Variants in CPEB2 observed in about 807,000 individuals in gnomAD.
CPEB2 encodes cytoplasmic polyadenylation element binding protein 2.
CPEB2 carries 56 observed loss-of-function variants against 93.6 expected under a neutral mutation model. That is an observed-to-expected ratio of 0.60 (90% CI 0.48 to 0.75). CPEB2 has a LOEUF of 0.75. Among genes scored for constraint, CPEB2 ranks in the 30% least tolerant of loss-of-function variants. The pLI is 0.00. For missense variants in CPEB2, 1,579 were observed against 1,395.1 expected (o/e 1.13, Z -2.10); for synonymous variants, 764 against 586.3 (o/e 1.30, Z -4.38).
chr4:15,022,911 G>A (rs541312374), intron 4 of CPEB2, among the ~76,000 whole-genome samples: 2 of 152,136 alleles, frequency 1.3e-5, no homozygotes, highest in Admixed American at 6.5e-5. Flanking sequence ...TGACATCATG[G>A]ATGGAGATAA....
chr4:15,054,305 C>T, intron 8 of CPEB2, 88 bp downstream of exon 8: 9 of 865,208 alleles, frequency 1.0e-5, no homozygotes, highest in South Asian at 3.0e-5. Flanking sequence ...AGTTAGGAAT[C>T]ATAAGAGACT....
At chr4:15,013,068 A>T (rs1413473478) in intron 3 of CPEB2, among the ~76,000 whole-genome samples, 1 of 151,796 alleles carries the variant, frequency 6.6e-6, no homozygotes, top group Non-Finnish European at 1.5e-5. Context: ...TTCTTAGGTT[A>T]TCTTTTTTCA....
intron 11 of CPEB2, among the ~76,000 whole-genome samples, chr4:15,063,461 G>A (rs1172002956): frequency 3.3e-5 from 5 of 151,842 alleles, no homozygotes; most frequent in African/African-American, 1.2e-4. Flanking sequence ...AGTTCCTGTA[G>A]TGTTGTGTTT....
chr4:15,024,630 C>T (rs1237816298), intron 4 of CPEB2, among the ~76,000 whole-genome samples: 1 of 150,930 alleles, frequency 6.6e-6, no homozygotes, highest in Admixed American at 6.6e-5. Context: ...GCATACGTAC[C>T]TTCCTTCCTG....
At chr4:15,055,879 C>T (rs1728670703) in intron 8 of CPEB2, among the ~76,000 whole-genome samples, 1 of 151,968 alleles carries the variant, frequency 6.6e-6, no homozygotes, top group Non-Finnish European at 1.5e-5. Context: ...TTATATATTC[C>T]CTACTTATCT....
chr4:15,041,032 C>G (rs1205130960), intron 6 of CPEB2, among the ~76,000 whole-genome samples: 1 of 152,114 alleles, frequency 6.6e-6, no homozygotes, highest in East Asian at 1.9e-4. Flanking sequence ...CACACACACA[C>G]AAACACATAC....
Position 15,008,442 on chromosome 4 carries a change from G to GTA in CPEB2, c.2034+18_2034+19dup, listed in dbSNP as rs1723092635. On this transcript the variant is annotated intron_variant, in intron 3 of 11. Transcript: ENST00000538197. ...GAATAGACCAGGTAGGCTGCACAGT[G>GTA]TATACTTTTTAGGATTTCGGTTAGG... 1 of 1,580,078 alleles carries GTA rather than the reference G, an allele frequency of 6.3e-7. No homozygotes were observed. The highest frequency in any genetic ancestry group is 1.1e-5 in the South Asian group (1 of 89,452).
intron 6 of CPEB2, among the ~76,000 whole-genome samples, chr4:15,048,526 A>C (rs1727925147): frequency 6.6e-6 from 1 of 151,860 alleles, no homozygotes; most frequent in East Asian, 1.9e-4. Flanking sequence ...CATTCTTTTT[A>C]ATCTTTTAAT....
At chr4:15,037,011 A>G (rs183528670) in intron 5 of CPEB2, among the ~76,000 whole-genome samples, 187 of 152,184 alleles carry the variant, frequency 1.2e-3, no homozygotes, top group Non-Finnish European at 2.0e-3. Context: ...GAAAAGGACT[A>G]TCATTTAGGG....
chr4:15,054,281 G>C (rs932279172), intron 8 of CPEB2, 64 bp downstream of exon 8: 8 of 1,106,512 alleles, frequency 7.2e-6, no homozygotes, highest in Non-Finnish European at 1.1e-5. Context: ...AGAAAGAATA[G>C]CAATTACTTA....
At chr4:15,033,336 A>G (rs1212177246) in intron 5 of CPEB2, 125 bp downstream of exon 5, 10 of 677,970 alleles carry the variant, frequency 1.5e-5, no homozygotes, top group Non-Finnish European at 2.5e-5. Flanking sequence ...TAAAGTTACA[A>G]CTATTCCTAT....
intron 2 of CPEB2, among the ~76,000 whole-genome samples, chr4:15,008,085 A>AT (rs1723053669): frequency 6.6e-6 from 1 of 151,758 alleles, no homozygotes; most frequent in Non-Finnish European, 1.5e-5. Context: ...TTCACCGATT[A>AT]TTTTTTCTAA....
Position 15,066,400 on chromosome 4 carries a change from G to C in CPEB2, c.*20G>C, listed in dbSNP as rs746440996. 1 of 1,540,854 alleles carries C rather than the reference G, an allele frequency of 6.5e-7. No individual in the cohort carries two copies. The highest frequency in any genetic ancestry group is 8.9e-7 in the Non-Finnish European group (1 of 1,129,578). ...AACTAAGAATAGCAAACTGGCCTCT[G>C]TTTAACAAGGAAAGAAAGGGTGCAT... On this transcript the variant is annotated 3_prime_UTR_variant, in exon 12 of 12. Coordinates refer to ENST00000538197, the MANE Select transcript of CPEB2 (RefSeq NM_001177382.2).
intron 1 of CPEB2, among the ~76,000 whole-genome samples, chr4:15,007,096 T>TGTATACAAGAAGATGAA (rs1722917528): frequency 6.6e-6 from 1 of 152,214 alleles, no homozygotes; most frequent in Non-Finnish European, 1.5e-5. Flanking sequence ...ATGATATTTA[T>TGTATACAAGAAGATGAA]AGTATACAAG....
chr4:15,034,380 ATTTTGTCAGTTGGG>A (rs1276973011), intron 5 of CPEB2, among the ~76,000 whole-genome samples: 1 of 152,204 alleles, frequency 6.6e-6, no homozygotes, highest in Non-Finnish European at 1.5e-5. Flanking sequence ...CTAATGGATG[ATTTTGTCAGTTGGG>A]AAAAGCCCTT....
intron 6 of CPEB2, among the ~76,000 whole-genome samples, chr4:15,047,410 T>C (rs1160636663): frequency 1.3e-5 from 2 of 152,158 alleles, no homozygotes; most frequent in African/African-American, 4.8e-5. Flanking sequence ...TATTCATTTA[T>C]TTCATATTTT....
At chr4:15,054,088 T>G in intron 7 of CPEB2, 40 bp from the exon 8 acceptor site, 3 of 1,391,106 alleles carry the variant, frequency 2.2e-6, no homozygotes, top group Non-Finnish European at 3.0e-6. Flanking sequence ...AACGAATCAC[T>G]GAAACTAATT....
intron 4 of CPEB2, among the ~76,000 whole-genome samples, chr4:15,022,984 G>A (rs1372966747): frequency 6.6e-6 from 1 of 151,772 alleles, no homozygotes; most frequent in East Asian, 1.9e-4. Flanking sequence ...ACATACTTGA[G>A]TTTTATTTCT....
At chr4:15,035,303 G>C (rs1360696843) in intron 5 of CPEB2, among the ~76,000 whole-genome samples, 1 of 152,016 alleles carries the variant, frequency 6.6e-6, no homozygotes, top group African/African-American at 2.4e-5. Context: ...ACCCAGGTTG[G>C]CTTTTTCTAT....
Sources: allele counts gnomAD v4.1 joint callset (sites outside exome capture counted in the v4.1 genomes callset), GRCh38; gene constraint gnomAD v4.1.1; transcripts MANE v1.5; gene names NCBI Gene and HGNC (gene_info 2026-07-23, HGNC 2026-07-21).